G2E3: variants seen among roughly 807,000 people sequenced by gnomAD.
G2E3 encodes the protein G2/M-phase specific E3 ubiquitin protein ligase.
A neutral mutation model predicts 92.8 loss-of-function variants in G2E3; 35 were observed. The ratio of observed to expected loss-of-function variants is 0.38; its 90% confidence interval spans 0.29 to 0.50. The LOEUF (loss-of-function observed/expected upper bound fraction) is 0.50, where lower values mean the gene tolerates loss of function less well. Ranked by LOEUF, G2E3 falls within the 20% of genes least tolerant of loss-of-function variation. The pLI is 0.94. For missense variants in G2E3, 554 were observed against 823.8 expected (o/e 0.67, Z 4.01); for synonymous variants, 242 against 272.4 (o/e 0.89, Z 1.10).
chr14:30,572,362 C>T (rs948417416), intron 1 of G2E3, among the ~76,000 whole-genome samples: 10 of 152,116 alleles, frequency 6.6e-5, no homozygotes, highest in African/African-American at 1.4e-4. Context: ...AGATTCCCTT[C>T]GCTAGGTTGA....
At chr14:30,560,984 C>T (rs971134698) in intron 1 of G2E3, 4 of 597,418 alleles carry the variant, frequency 6.7e-6, no homozygotes, top group African/African-American at 1.9e-5. Flanking sequence ...CTAGGTGACC[C>T]TGGGCAAGCT....
chr14:30,590,217 G>A lies in G2E3; in HGVS notation c.237+733G>A, dbSNP rs115382539. Among the ~76,000 whole-genome samples the A allele has an allele frequency of 9.6e-3, 1,456 of 152,218 alleles. 21 individuals carry two copies. The highest frequency in any genetic ancestry group is 0.033 in the African/African-American group (1,382 of 41,538). ...ATTTTCATGGGGGAGCATTTTGGGTGATGAAGGGATTCATCATTACACTGG... is the reference window on the plus strand; with the variant it reads ...ATTTTCATGGGGGAGCATTTTGGGTAATGAAGGGATTCATCATTACACTGG... On this transcript the variant is annotated intron_variant, in intron 4 of 14. Coordinates refer to ENST00000206595, the MANE Select transcript of G2E3 (RefSeq NM_017769.5).
chr14:30,598,637 G>C (rs1416801837), intron 8 of G2E3, 38 bp downstream of exon 8: 2 of 1,218,294 alleles, frequency 1.6e-6, no homozygotes, highest in East Asian at 4.6e-5. Context: ...GTGGTTCCTT[G>C]TTTAAACCTT....
chr14:30,595,983 TC>T (rs1881261091), intron 6 of G2E3, among the ~76,000 whole-genome samples: 2 of 152,140 alleles, frequency 1.3e-5, no homozygotes, highest in African/African-American at 4.8e-5. Flanking sequence ...CTGTTTTTTC[TC>T]CTCTATACCA....
At chr14:30,609,322 A>G (rs1881981188) in intron 12 of G2E3, among the ~76,000 whole-genome samples, 1 of 152,164 alleles carries the variant, frequency 6.6e-6, no homozygotes, top group African/African-American at 2.4e-5. Context: ...CCCTACCACC[A>G]GTCTCAAGTT....
Position 30,602,151 on chromosome 14 carries a change from G to A in G2E3, c.1010+20G>A. 3.2e-6 allele frequency: 5 copies of A among 1,562,178 alleles called. No homozygotes were observed. The highest frequency in any genetic ancestry group is 4.4e-6 in the Non-Finnish European group (5 of 1,148,772). ...ACTGAGGTATGTATTTTGAATTGGAGAAATACATAAAAATCTATTTGGAGA... is the reference window on the plus strand; with the variant it reads ...ACTGAGGTATGTATTTTGAATTGGAAAAATACATAAAAATCTATTTGGAGA... On this transcript the variant is annotated intron_variant, in intron 10 of 14. Coordinates refer to ENST00000206595, the MANE Select transcript of G2E3 (RefSeq NM_017769.5).
At chr14:30,612,401 A>C in intron 13 of G2E3, 22 bp downstream of exon 13, 1 of 1,437,252 alleles carries the variant, frequency 7.0e-7, no homozygotes, top group Non-Finnish European at 9.5e-7. Flanking sequence ...CTATTAATAT[A>C]TGGCTCTTTC....
intron 1 of G2E3, among the ~76,000 whole-genome samples, chr14:30,576,280 T>A (rs1179719487): frequency 6.6e-6 from 1 of 152,186 alleles, no homozygotes. Flanking sequence ...AAAGACTCTC[T>A]GTTTATTAAA....
At chr14:30,615,984 T>C (rs1240840299) in intron 14 of G2E3, among the ~76,000 whole-genome samples, 1 of 152,178 alleles carries the variant, frequency 6.6e-6, no homozygotes, top group Non-Finnish European at 1.5e-5. Flanking sequence ...ATAGTTGAAA[T>C]TTTGTTTAGC....
intron 1 of G2E3, chr14:30,560,910 G>A: frequency 3.1e-6 from 2 of 655,662 alleles, no homozygotes; most frequent in Non-Finnish European, 5.5e-6. Context: ...ATAATGTGTT[G>A]ATTAAAGACA....
chr14:30,596,422 G>T (rs959730974), intron 6 of G2E3, among the ~76,000 whole-genome samples: 2 of 151,962 alleles, frequency 1.3e-5, no homozygotes, highest in African/African-American at 2.4e-5. Context: ...CCTCTACTTA[G>T]TTCAGTTTGG....
In G2E3 at chr14:30,605,576, C is replaced by A; in HGVS notation, c.1082C>A (p.Thr361Asn). The change falls in exon 11 of 15, where the codon ACT (threonine) becomes AAT (asparagine). Residue 361 changes from threonine to asparagine, a missense_variant. Thr to Asn is a moderately conservative substitution (Grantham distance 65, BLOSUM62 0). This residue lies in a region of G2E3 where 397 missense variants were observed against 560.3 expected (regional missense o/e 0.71). Coordinates refer to ENST00000206595, the MANE Select transcript of G2E3 (RefSeq NM_017769.5). ...TTAGGATTCCAAATTAAAAAAAAAACTAAAAGATTGTATATCAACAAAGCC... is the reference window on the plus strand; with the variant it reads ...TTAGGATTCCAAATTAAAAAAAAAAATAAAAGATTGTATATCAACAAAGCC... ...IELGFQIKKKTKRLYINKANI... is the reference protein window; with the variant it reads ...IELGFQIKKKNKRLYINKANI... 4.1e-6 allele frequency: 6 copies of A among 1,476,228 alleles called. No individual in the cohort carries two copies. The highest frequency in any genetic ancestry group is 1.2e-5 in the South Asian group (1 of 82,254). The allele number at this position is 1,476,228 out of a possible 1,614,324, so 91.4% of individuals were successfully genotyped here.
chr14:30,613,191 C>T (rs1454844293), intron 13 of G2E3, among the ~76,000 whole-genome samples: 13 of 152,086 alleles, frequency 8.5e-5, no homozygotes, highest in Admixed American at 6.5e-4. Flanking sequence ...AGTCTGTAAT[C>T]ACCATCCAGA....
At chr14:30,580,612 A>G (rs1031800346) in intron 1 of G2E3, among the ~76,000 whole-genome samples, 7 of 152,220 alleles carry the variant, frequency 4.6e-5, no homozygotes, top group African/African-American at 1.7e-4. Flanking sequence ...CTTTGAAGAA[A>G]AATTAAATAG....
chr14:30,582,853 A>G (rs2041738359), intron 2 of G2E3, among the ~76,000 whole-genome samples: 1 of 152,208 alleles, frequency 6.6e-6, no homozygotes, highest in South Asian at 2.1e-4. Context: ...CTATTTCACT[A>G]TATTAAATAC....
intron 1 of G2E3, among the ~76,000 whole-genome samples, chr14:30,569,412 T>G (rs1266469127): frequency 6.6e-6 from 1 of 152,148 alleles, no homozygotes; most frequent in Admixed American, 6.5e-5. Context: ...AATGTATAAT[T>G]CAAGTGTAAT....
chr14:30,565,939 C>T (rs577489789), intron 1 of G2E3, among the ~76,000 whole-genome samples: 115 of 152,178 alleles, frequency 7.6e-4, no homozygotes, highest in Non-Finnish European at 1.4e-3. Context: ...GGATTACAGA[C>T]GTGAGCCACC....
Position 30,594,903 on chromosome 14 carries a change from C to T in G2E3, c.528+1264C>T, listed in dbSNP as rs562050480. 4.1e-4 allele frequency among the ~76,000 whole-genome samples: 61 copies of T among 149,166 alleles called. No individual in the cohort carries two copies. In the South Asian group the frequency reaches 8.1e-3, roughly 20 times the overall value. On this transcript the variant is annotated intron_variant, in intron 6 of 14. Transcript: ENST00000206595. ...CAGCATTCTGGGAGGCCGAGGAGGG[C>T]GGATCACCTGAGGTCAGGAGTTCGA...
chr14:30,605,484 A>G, intron 10 of G2E3, 21 bp from the exon 11 acceptor site: 1 of 997,222 alleles, frequency 1.0e-6, no homozygotes, highest in Non-Finnish European at 1.5e-6. Flanking sequence ...TTATCTCTAT[A>G]TTTAAATTCA....
Sources: allele counts gnomAD v4.1 joint callset (sites outside exome capture counted in the v4.1 genomes callset), GRCh38; gene constraint gnomAD v4.1.1; regional missense constraint gnomAD v4.1.1; transcripts MANE v1.5; gene names NCBI Gene and HGNC (gene_info 2026-07-23, HGNC 2026-07-21).